The following SGCD variants were observed in gnomAD, a reference collection of about 807,000 sequenced individuals.
The protein encoded by SGCD is sarcoglycan delta, also known as delta-sarcoglycan.
A neutral mutation model predicts 36.6 loss-of-function variants in SGCD; 18 were observed. The ratio of observed to expected loss-of-function variants is 0.49; its 90% CI spans 0.34 to 0.73. The LOEUF is 0.73. Ranked by LOEUF, SGCD falls within the 30% of genes least tolerant of loss-of-function variation. SGCD has a pLI of 0.01. For missense variants in SGCD, 387 were observed against 346.7 expected (o/e 1.12, Z -0.92); for synonymous variants, 133 against 130.6 (o/e 1.02, Z -0.12).
intron 3 of SGCD, among the ~76,000 whole-genome samples, chr5:156,230,366 G>A (rs767402278): frequency 7.2e-5 from 11 of 152,112 alleles, no homozygotes; most frequent in East Asian, 1.9e-4. Flanking sequence ...TTTGTCCCGC[G>A]GGGTATTCCC....
At chr5:156,095,909 G>A (rs1456811836) in intron 1 of SGCD, among the ~76,000 whole-genome samples, 1 of 152,180 alleles carries the variant, frequency 6.6e-6, no homozygotes, top group Non-Finnish European at 1.5e-5. Context: ...TCTAAGTAAA[G>A]CAGAGCTCAA....
intron 1 of SGCD, among the ~76,000 whole-genome samples, chr5:155,983,960 G>C (rs17053102): frequency 6.6e-6 from 1 of 152,030 alleles, no homozygotes; most frequent in Admixed American, 6.5e-5. Flanking sequence ...TGCATCCGTG[G>C]ATGAAAATTT....
rs113287747 is a variant in SGCD, at chr5:155,952,493, C to G, written c.-282+82069C>G. ...TTCTTGGTCACATTATAAATGTCCT[C>G]CACTTGTCAATGTCTGCCTTGGTCT... is the stretch of plus-strand genomic sequence containing the variant. On this transcript the variant is annotated intron_variant, in intron 1 of 9. Transcript: ENST00000517913. Among the ~76,000 whole-genome samples, 285 of 152,226 alleles carry G rather than the reference C, an allele frequency of 1.9e-3. 2 individuals carry two copies. The highest frequency in any genetic ancestry group is 2.8e-3 in the Non-Finnish European group (190 of 68,000).
chr5:155,968,464 G>A (rs1346621779), intron 1 of SGCD, among the ~76,000 whole-genome samples: 5 of 152,016 alleles, frequency 3.3e-5, no homozygotes, highest in South Asian at 4.1e-4. Flanking sequence ...GGTGAGTAGA[G>A]TACAATAAAA....
chr5:155,908,028 A>C (rs931332691), intron 1 of SGCD, among the ~76,000 whole-genome samples: 2 of 152,176 alleles, frequency 1.3e-5, no homozygotes. Context: ...TCAGTCACCA[A>C]CCATCGACAT....
intron 1 of SGCD, among the ~76,000 whole-genome samples, chr5:155,898,776 G>A (rs1293982319): frequency 6.6e-5 from 10 of 152,234 alleles, no homozygotes; most frequent in African/African-American, 1.9e-4. Context: ...GGTTGCTTTC[G>A]AAGAAGACAG....
At chr5:156,731,582 G>T (rs958963286) in intron 7 of SGCD, among the ~76,000 whole-genome samples, 1 of 150,276 alleles carries the variant, frequency 6.7e-6, no homozygotes, top group African/African-American at 2.4e-5. Flanking sequence ...TTTCTATTTT[G>T]TTCCATTGGT....
At chr5:155,816,510 GTT>G in the SGCD span, among the ~76,000 whole-genome samples, 1 of 152,158 alleles carries the variant, frequency 6.6e-6, no homozygotes, top group Non-Finnish European at 1.5e-5. Flanking sequence ...GAAAAGGAGA[GTT>G]TCGTCTTGTT....
chr5:155,733,014 G>GT, the SGCD span, among the ~76,000 whole-genome samples: 59 of 141,560 alleles, frequency 4.2e-4, 1 homozygote, highest in African/African-American at 1.4e-3. Flanking sequence ...TGTTATACTC[G>GT]TTTTTTTTTT....
At chr5:156,696,228 G>T (rs1431201334) in intron 7 of SGCD, among the ~76,000 whole-genome samples, 3 of 152,174 alleles carry the variant, frequency 2.0e-5, no homozygotes, top group Non-Finnish European at 2.9e-5. Flanking sequence ...GTGAAGCTAA[G>T]CAGTGATTCA....
At chr5:155,825,715 G>T in the SGCD span, among the ~76,000 whole-genome samples, 1 of 104,472 alleles carries the variant, frequency 9.6e-6, no homozygotes, top group East Asian at 3.1e-4. Flanking sequence ...TTAGATGTTT[G>T]ACTTTATTAT....
chr5:156,237,403 T>A (rs1044188675), intron 3 of SGCD, among the ~76,000 whole-genome samples: 2 of 151,926 alleles, frequency 1.3e-5, no homozygotes, highest in African/African-American at 4.8e-5. Flanking sequence ...GGCAGGCAAA[T>A]CACCTGAGGT....
intron 4 of SGCD, among the ~76,000 whole-genome samples, chr5:156,561,912 TCTTC>T (rs1253222884): frequency 6.6e-6 from 1 of 152,204 alleles, no homozygotes; most frequent in African/African-American, 2.4e-5. Flanking sequence ...ATAAAGGTAG[TCTTC>T]CTTATATTAA....
At chr5:156,702,733 G>A (rs535519193) in intron 7 of SGCD, among the ~76,000 whole-genome samples, 1 of 152,218 alleles carries the variant, frequency 6.6e-6, no homozygotes, top group South Asian at 2.1e-4. Context: ...TTCTTACTAT[G>A]AGTGGGAGAC....
intron 3 of SGCD, among the ~76,000 whole-genome samples, chr5:156,375,055 CTT>C (rs1301454134): frequency 1.3e-5 from 2 of 152,000 alleles, no homozygotes; most frequent in African/African-American, 4.8e-5. Context: ...GTAAAAGAAA[CTT>C]TTGAAGATCC....
At chr5:156,142,479 A>T (rs1465320793) in intron 3 of SGCD, among the ~76,000 whole-genome samples, 1 of 152,232 alleles carries the variant, frequency 6.6e-6, no homozygotes, top group East Asian at 1.9e-4. Flanking sequence ...AGACAGGAAG[A>T]TGAGGGAATA....
chr5:155,840,138 G>T, the SGCD span, among the ~76,000 whole-genome samples: 4 of 150,942 alleles, frequency 2.7e-5, no homozygotes, highest in Non-Finnish European at 5.9e-5. Flanking sequence ...ACCGTATTAT[G>T]TATTTTGTTG....
intron 1 of SGCD, among the ~76,000 whole-genome samples, chr5:156,082,162 G>A (rs774625344): frequency 6.6e-6 from 1 of 151,690 alleles, no homozygotes; most frequent in Admixed American, 6.6e-5. Flanking sequence ...TTTTTCTTTG[G>A]TGGGTCCAGA....
At chr5:156,429,854 C>A (rs1284499990) in intron 3 of SGCD, among the ~76,000 whole-genome samples, 1 of 152,116 alleles carries the variant, frequency 6.6e-6, no homozygotes, top group African/African-American at 2.4e-5. Context: ...ACCCAAAGTC[C>A]TTCTGGCTTG....
Sources: gnomAD v4.1 joint callset for allele counts (sites outside exome capture counted in the v4.1 genomes callset) on GRCh38, gnomAD v4.1.1 for gene constraint, MANE v1.5 for transcripts, NCBI Gene and HGNC (gene_info 2026-07-23, HGNC 2026-07-21) for gene names.